Variants in HDAC9 observed in about 807,000 individuals in gnomAD.
HDAC9 encodes the protein histone deacetylase 9.
A neutral mutation model predicts 139.4 loss-of-function variants in HDAC9; 41 were observed. The observed-to-expected ratio is 0.29, with a 90% CI of 0.23 to 0.38. The LOEUF is 0.38. HDAC9 is among the 10% of genes least tolerant of loss of function. The pLI is 1.00. For synonymous variants in HDAC9, 517 were observed against 476.2 expected (o/e 1.09, Z -1.12); for missense variants, 1,147 against 1,297.0 (o/e 0.88, Z 1.78).
At position 18,496,516 on chromosome 7, in the gene HDAC9, A is replaced by G; in HGVS notation, c.22+192A>G. 3 of 561,196 alleles carry G rather than the reference A, an allele frequency of 5.3e-6. No individual in the cohort carries two copies. The South Asian group carries it at 7.8e-5, about 15-fold the overall frequency. 34.8% of individuals were successfully genotyped at this position (561,196 alleles called of 1,614,324 possible). ...GTTTCTGTGCATATTCAGTCTGCTT[A>G]GGGACAGCAGCTTCTGAATGAAATT... is the stretch of plus-strand genomic sequence containing the variant. On this transcript the variant is annotated intron_variant, in intron 2 of 25. Coordinates refer to ENST00000686413, the MANE Select transcript of HDAC9 (RefSeq NM_178425.4).
intron 17 of HDAC9, among the ~76,000 whole-genome samples, chr7:18,826,712 T>C (rs1451320673): frequency 6.6e-6 from 1 of 151,112 alleles, no homozygotes; most frequent in Non-Finnish European, 1.5e-5. Flanking sequence ...TGAGATTTCA[T>C]TTCCATTTTG....
chr7:18,557,887 AGT>A (rs2128693835), intron 2 of HDAC9, among the ~76,000 whole-genome samples: 1 of 152,008 alleles, frequency 6.6e-6, no homozygotes, highest in South Asian at 2.1e-4. Flanking sequence ...TCTTTTTACA[AGT>A]GAGCCTACTA....
chr7:18,567,435 T>C (rs1822742023), intron 2 of HDAC9, among the ~76,000 whole-genome samples: 1 of 152,208 alleles, frequency 6.6e-6, no homozygotes. Flanking sequence ...ATTTATAAAT[T>C]CCAAGCAATT....
intron 25 of HDAC9, among the ~76,000 whole-genome samples, chr7:18,991,190 T>C (rs1334680493): frequency 6.6e-6 from 1 of 152,166 alleles, no homozygotes; most frequent in Admixed American, 6.5e-5. Flanking sequence ...ATTTATGGGA[T>C]GTCTAGTATG....
intron 1 of HDAC9, among the ~76,000 whole-genome samples, chr7:18,322,474 C>T (rs1387147333): frequency 6.6e-6 from 1 of 152,188 alleles, no homozygotes; most frequent in Admixed American, 6.5e-5. Flanking sequence ...GTGAGAATAA[C>T]TTTCAAGGCT....
intron 1 of HDAC9, among the ~76,000 whole-genome samples, chr7:18,460,558 G>A (rs1268335874): frequency 6.6e-6 from 1 of 151,998 alleles, no homozygotes; most frequent in African/African-American, 2.4e-5. Flanking sequence ...GCTGAGGCGG[G>A]TGGATAACCT....
chr7:18,423,993 G>A (rs954918936), intron 1 of HDAC9, among the ~76,000 whole-genome samples: 3 of 152,126 alleles, frequency 2.0e-5, no homozygotes, highest in South Asian at 4.1e-4. Context: ...TTGAATAGAA[G>A]GAGAAACCTT....
chr7:18,990,059 A>G (rs2129349034), intron 25 of HDAC9, among the ~76,000 whole-genome samples: 1 of 152,230 alleles, frequency 6.6e-6, no homozygotes, highest in African/African-American at 2.4e-5. Flanking sequence ...CAGCTCATCA[A>G]AGTCATTCTC....
At chr7:18,739,116 C>T (rs1281973739) in intron 13 of HDAC9, among the ~76,000 whole-genome samples, 1 of 152,200 alleles carries the variant, frequency 6.6e-6, no homozygotes, top group East Asian at 1.9e-4. Flanking sequence ...TCCATCAGGC[C>T]ATTTCAGGTC....
intron 2 of HDAC9, among the ~76,000 whole-genome samples, chr7:18,167,336 G>C (rs1334906027): frequency 6.6e-6 from 1 of 152,110 alleles, no homozygotes; most frequent in African/African-American, 2.4e-5. Flanking sequence ...GTTTTTGAAG[G>C]ACAGTGCTTT....
At chr7:18,329,633 C>T (rs1800754207) in intron 1 of HDAC9, among the ~76,000 whole-genome samples, 1 of 151,184 alleles carries the variant, frequency 6.6e-6, no homozygotes, top group Non-Finnish European at 1.5e-5. Flanking sequence ...ATTCTGTGCT[C>T]TCTGATTCAC....
chr7:18,204,590 C>T (rs1791364249), intron 2 of HDAC9, among the ~76,000 whole-genome samples: 1 of 151,822 alleles, frequency 6.6e-6, no homozygotes, highest in Non-Finnish European at 1.5e-5. Flanking sequence ...TGTATTTATT[C>T]AATAAATATA....
At chr7:18,142,852 C>T (rs1299424905) in intron 1 of HDAC9, among the ~76,000 whole-genome samples, 1 of 152,174 alleles carries the variant, frequency 6.6e-6, no homozygotes, top group Non-Finnish European at 1.5e-5. Context: ...TCCCTGCTCC[C>T]AAGTGTGTGG....
chr7:18,955,180 G>A lies in HDAC9; in HGVS notation c.3022+950G>A, dbSNP rs150859772. On this transcript the variant is annotated intron_variant, in intron 24 of 25. Coordinates refer to ENST00000686413, the MANE Select transcript of HDAC9 (RefSeq NM_178425.4). ...AAAATAAACCTTCAAATGCTGGGGT[G>A]CACTATTCAAGTCTCTGATATAAGC... Among the ~76,000 whole-genome samples the A allele has an allele frequency of 2.1e-3, 318 of 152,226 alleles. 3 individuals carry two copies. Among genetic ancestry groups the A allele is most frequent in the Middle Eastern group, 6.8e-3 (2 of 294 alleles).
chr7:18,865,206 C>A (rs1343726934), intron 21 of HDAC9, among the ~76,000 whole-genome samples: 1 of 152,094 alleles, frequency 6.6e-6, no homozygotes, highest in Non-Finnish European at 1.5e-5. Context: ...TGGCTGTGAT[C>A]CAGGTGAGCA....
chr7:18,291,577 C>T (rs1262298424), intron 1 of HDAC9, among the ~76,000 whole-genome samples: 1 of 151,922 alleles, frequency 6.6e-6, no homozygotes, highest in Non-Finnish European at 1.5e-5. Context: ...TGTGATTTGT[C>T]CAAGCAGAAA....
rs1402649767 is a variant in HDAC9 at position 18,666,432 on chromosome 7, A to G, written c.1687A>G (p.Ile563Val). 3.7e-6 allele frequency: 6 copies of G among 1,612,170 alleles called. No homozygotes were observed. The highest frequency in any genetic ancestry group is 5.1e-6 in the Non-Finnish European group (6 of 1,178,974). The change falls in exon 12 of 26, where the codon ATC becomes GTC. Residue 563 changes from isoleucine (I) to valine (V), a missense_variant. Transcript: ENST00000686413. ...AGTGGACAGTGATGAAGATGCTCAG[A>G]TCCAGGAAATGGAATCTGGGGAGCA... The part of the protein sequence containing the change: ...EPVDSDEDAQ[I>V]QEMESGEQAA...
At chr7:18,164,663 C>T (rs1787877332) in intron 2 of HDAC9, among the ~76,000 whole-genome samples, 1 of 152,180 alleles carries the variant, frequency 6.6e-6, no homozygotes, top group South Asian at 2.1e-4. Flanking sequence ...GAAACGTTCT[C>T]CATCCATATT....
rs186501198 is a variant in HDAC9 at position 18,122,801 on chromosome 7, T to A, written c.-97+35588T>A. ...ACCGAGCTAATTTTTATATCTTTAG[T>A]TGAGATGGGGTTTCACCATGTTGGC... On this transcript the variant is annotated intron_variant, in intron 1 of 12. Coordinates refer to the HDAC9 transcript ENST00000417496. Among the ~76,000 whole-genome samples the A allele has an allele frequency of 3.7e-4, 57 of 152,240 alleles. No individual in the cohort carries two copies. The East Asian group carries it at 0.01, about 28-fold the overall frequency.
Sources: allele counts gnomAD v4.1 joint callset (sites outside exome capture counted in the v4.1 genomes callset), GRCh38; gene constraint gnomAD v4.1.1; transcripts MANE v1.5; gene names NCBI Gene and HGNC (gene_info 2026-07-23, HGNC 2026-07-21).